FAM135B: variants seen among roughly 807,000 people sequenced by gnomAD.
FAM135B encodes the protein protein FAM135B.
Under a neutral mutation model 127.7 loss-of-function variants are expected in FAM135B, and 43 were observed. The observed-to-expected ratio is 0.34, with a 90% CI of 0.26 to 0.43. The LOEUF is 0.43. Among genes scored for constraint, FAM135B ranks in the 20% least tolerant of loss-of-function variants. The pLI is 1.00. For missense variants in FAM135B, 1,558 were observed against 1,725.6 expected, an observed-to-expected ratio of 0.90 and a Z score of 1.72; for synonymous variants, 670 against 665.1, an observed-to-expected ratio of 1.01 and a Z score of -0.11.
chr8:138,250,082 G>T (rs1207090004), intron 6 of FAM135B, among the ~76,000 whole-genome samples: 1 of 152,158 alleles, frequency 6.6e-6, no homozygotes, highest in Admixed American at 6.5e-5. Flanking sequence ...GCTGGGTGTG[G>T]TGGCTCACGC....
chr8:138,476,524 A>T (rs1403482902), intron 1 of FAM135B, among the ~76,000 whole-genome samples: 1 of 151,908 alleles, frequency 6.6e-6, no homozygotes, highest in East Asian at 1.9e-4. Context: ...CTACTCTAAA[A>T]AATTAAGTCT....
chr8:138,363,522 G>A (rs1042025114), intron 2 of FAM135B, among the ~76,000 whole-genome samples: 1 of 152,112 alleles, frequency 6.6e-6, no homozygotes, highest in Non-Finnish European at 1.5e-5. Context: ...GAATGTGGGG[G>A]TGATATCGTA....
chr8:138,488,128 G>A (rs1304827431), intron 1 of FAM135B, among the ~76,000 whole-genome samples: 5 of 152,146 alleles, frequency 3.3e-5, no homozygotes, highest in African/African-American at 9.7e-5. Flanking sequence ...GAACTGGAAG[G>A]CCACCTTCTG....
At chr8:138,453,156 G>A (rs1489565491) in intron 1 of FAM135B, among the ~76,000 whole-genome samples, 1 of 152,150 alleles carries the variant, frequency 6.6e-6, no homozygotes. Context: ...ATGCAAGTCT[G>A]TAAGACCAAA....
At chr8:138,293,901 A>G (rs1389405835) in intron 3 of FAM135B, among the ~76,000 whole-genome samples, 1 of 152,160 alleles carries the variant, frequency 6.6e-6, no homozygotes, top group Non-Finnish European at 1.5e-5. Flanking sequence ...GTGGGTATCC[A>G]CCCAAACAGA....
intron 7 of FAM135B, among the ~76,000 whole-genome samples, chr8:138,205,923 T>C (rs766544344): frequency 6.6e-6 from 1 of 151,876 alleles, no homozygotes; most frequent in Non-Finnish European, 1.5e-5. Flanking sequence ...TGTTCCATTA[T>C]GCATGTATGT....
rs370833630 is a variant in FAM135B, at chr8:138,454,484, A to G, written c.-20+42187T>C. Among the ~76,000 whole-genome samples the G allele has an allele frequency of 7.2e-5, 11 of 152,326 alleles. No individual in the cohort carries two copies. The East Asian group carries it at 9.7e-4, about 13-fold the overall frequency. On this transcript the variant is annotated intron_variant, in intron 1 of 19. Transcript: ENST00000395297. ...CTGGAAAGAACCTGAGAGTTTAGCT[A>G]TCTGAACCACCTACGAAACAGAGGA... is the stretch of plus-strand genomic sequence containing the variant.
At chr8:138,346,985 T>C (rs912239213) in intron 2 of FAM135B, among the ~76,000 whole-genome samples, 4 of 152,232 alleles carry the variant, frequency 2.6e-5, no homozygotes, top group Non-Finnish European at 5.9e-5. Context: ...AGATTTTGTG[T>C]TTTCACTTCT....
intron 2 of FAM135B, among the ~76,000 whole-genome samples, chr8:138,363,684 A>T (rs942144628): frequency 1.3e-5 from 2 of 152,250 alleles, no homozygotes; most frequent in Non-Finnish European, 2.9e-5. Context: ...AACACCCATG[A>T]ATATAAATGT....
intron 12 of FAM135B, among the ~76,000 whole-genome samples, chr8:138,162,887 T>G (rs1563712969): frequency 6.6e-6 from 1 of 152,192 alleles, no homozygotes; most frequent in African/African-American, 2.4e-5. Flanking sequence ...CATCTGGTCT[T>G]TATACCACAG....
chr8:138,163,503 T>C (rs976789270), intron 12 of FAM135B, among the ~76,000 whole-genome samples: 10 of 152,128 alleles, frequency 6.6e-5, no homozygotes, highest in Admixed American at 1.3e-4. Flanking sequence ...TGGGACTTAA[T>C]TGAATCATGG....
At chr8:138,461,002 T>C (rs545934787) in intron 1 of FAM135B, among the ~76,000 whole-genome samples, 7 of 152,294 alleles carry the variant, frequency 4.6e-5, no homozygotes, top group Non-Finnish European at 7.4e-5. Flanking sequence ...GTTTTCCTAT[T>C]TTCTCTTCCA....
intron 1 of FAM135B, among the ~76,000 whole-genome samples, chr8:138,376,191 C>T (rs781092671): frequency 3.3e-5 from 5 of 152,112 alleles, no homozygotes; most frequent in Non-Finnish European, 5.9e-5. Context: ...GATCCGCCCA[C>T]CTCAGCCTCC....
chr8:138,303,300 C>T (rs1436844591), intron 3 of FAM135B, among the ~76,000 whole-genome samples: 4 of 152,078 alleles, frequency 2.6e-5, no homozygotes, highest in African/African-American at 9.7e-5. Flanking sequence ...ATGGATGAAG[C>T]TGGAAGCCAT....
At chr8:138,156,116 C>A (rs1191183227) in intron 12 of FAM135B, among the ~76,000 whole-genome samples, 1 of 152,180 alleles carries the variant, frequency 6.6e-6, no homozygotes, top group African/African-American at 2.4e-5. Flanking sequence ...ATAGTGCAAT[C>A]AAATTAGAAC....
chr8:138,297,366 A>G (rs1318812745), intron 3 of FAM135B, among the ~76,000 whole-genome samples: 1 of 152,220 alleles, frequency 6.6e-6, no homozygotes, highest in Non-Finnish European at 1.5e-5. Context: ...TGCAGAAACT[A>G]AGGCACTGGG....
intron 2 of FAM135B, among the ~76,000 whole-genome samples, chr8:138,322,822 T>G (rs1483480474): frequency 6.6e-6 from 1 of 152,142 alleles, no homozygotes; most frequent in Admixed American, 6.5e-5. Flanking sequence ...CTCACATAGC[T>G]AGCCCCCACC....
At chr8:138,327,918 G>A (rs867729986) in intron 2 of FAM135B, among the ~76,000 whole-genome samples, 2 of 152,166 alleles carry the variant, frequency 1.3e-5, no homozygotes, top group African/African-American at 2.4e-5. Flanking sequence ...TAGAACATAT[G>A]AGAGAGACTT....
At chr8:138,387,708 T>G (rs779060385) in intron 1 of FAM135B, among the ~76,000 whole-genome samples, 2 of 152,018 alleles carry the variant, frequency 1.3e-5, no homozygotes, top group Non-Finnish European at 2.9e-5. Flanking sequence ...ACAGAGGGGA[T>G]TACTAAGGTT....
Sources: allele counts gnomAD v4.1 joint callset (sites outside exome capture counted in the v4.1 genomes callset), GRCh38; gene constraint gnomAD v4.1.1; transcripts MANE v1.5; gene names NCBI Gene and HGNC (gene_info 2026-07-23, HGNC 2026-07-21).